NADSYN1: variants seen among roughly 807,000 people sequenced by gnomAD.
NADSYN1 encodes the protein glutamine-dependent NAD(+) synthetase.
NADSYN1 carries 80 observed loss-of-function variants against 99.3 expected under a neutral mutation model. That is an observed-to-expected ratio of 0.81 (90% CI 0.67 to 0.97). NADSYN1 has a LOEUF of 0.97. Among genes scored for constraint, NADSYN1 ranks in the 50% least tolerant of loss-of-function variants. The probability of loss-of-function intolerance (pLI) is 0.00; values close to 1 mark genes in which losing one functional copy is unlikely to be tolerated. For synonymous variants in NADSYN1, 385 were observed against 372.1 expected, an observed-to-expected ratio of 1.03 and a Z score of -0.40; for missense variants, 859 against 948.5, an observed-to-expected ratio of 0.91 and a Z score of 1.24.
At chr11:71,494,554 TTTTG>T (rs773794404) in intron 18 of NADSYN1, among the ~76,000 whole-genome samples, 12,655 of 152,076 alleles carry the variant, frequency 0.083, 628 homozygotes, top group African/African-American at 0.14. Flanking sequence ...TTTTGTTTTG[TTTTG>T]TTTCTGAGAT....
In NADSYN1 at chr11:71,485,636, A is replaced by C; in HGVS notation, c.1550A>C (p.Asn517Thr). Reference protein sequence around the residue: ...HGGLLVLGSANVDESLLGYLT... With the variant: ...HGGLLVLGSATVDESLLGYLT... ...GGGCTCCTCGTGCTGGGATCCGCCA[A>C]CGTGGATGAGAGGTGAGTGTGGCCC... is the stretch of plus-strand genomic sequence containing the variant. Residue 517 changes from asparagine to threonine, a missense_variant, in exon 16 of 21, where the codon AAC (asparagine) becomes ACC (threonine). Asn to Thr is a moderately conservative substitution (Grantham distance 65). Coordinates refer to ENST00000319023, the MANE Select transcript of NADSYN1 (RefSeq NM_018161.5). 6.4e-7 allele frequency: 1 copy of C among 1,554,106 alleles called. No homozygotes were observed. The highest frequency in any genetic ancestry group is 2.4e-5 in the East Asian group (1 of 41,546).
chr11:71,484,052 G>T (rs1036470022), intron 14 of NADSYN1, among the ~76,000 whole-genome samples: 2 of 152,224 alleles, frequency 1.3e-5, no homozygotes, highest in Non-Finnish European at 2.9e-5. Context: ...ATCTGTCACT[G>T]TCAGAGCTGT....
chr11:71,486,514 T>A (rs1477478054), intron 16 of NADSYN1, among the ~76,000 whole-genome samples: 2 of 152,040 alleles, frequency 1.3e-5, no homozygotes, highest in South Asian at 4.2e-4. Flanking sequence ...CATCTGTCTA[T>A]GCATTCATCC....
chr11:71,459,357 GCTCACGC>G, intron 3 of NADSYN1, among the ~76,000 whole-genome samples: 3 of 150,956 alleles, frequency 2.0e-5, no homozygotes, highest in African/African-American at 7.3e-5. Flanking sequence ...GGAGGCCTCT[GCTCACGC>G]TGTGCTGGTG....
chr11:71,455,198 T>C lies in NADSYN1; in HGVS notation c.146+28T>C, dbSNP rs1591119482. 1.9e-6 allele frequency: 3 copies of C among 1,595,818 alleles called. No individual in the cohort carries two copies. In the East Asian group the frequency reaches 6.7e-5, roughly 36 times the overall value. ...GAGAACAGACACAGACACCCTGGGG[T>C]CGTCAGCTAGCGATACCAGCATCAG... On this transcript the variant is annotated intron_variant, in intron 2 of 20. Transcript: ENST00000319023.
At chr11:71,453,585 G>A (rs1949494645) in intron 1 of NADSYN1, among the ~76,000 whole-genome samples, 1 of 152,354 alleles carries the variant, frequency 6.6e-6, no homozygotes, top group East Asian at 1.9e-4. Flanking sequence ...TAGTTCCCGG[G>A]GACGAGCGAT....
Position 71,478,783 on chromosome 11 carries a change from G to A in NADSYN1, c.873+314G>A, listed in dbSNP as rs560931593. The A allele has an allele frequency of 1.2e-5, 4 of 322,252 alleles. No individual in the cohort carries two copies. In the South Asian group the frequency reaches 1.4e-4, roughly 11 times the overall value. The allele number at this position is 322,252 out of a possible 1,614,324, so 20.0% of individuals were successfully genotyped here. A position where few individuals can be genotyped will look rare whatever the true frequency, so the allele number is the denominator to read the frequency against. On this transcript the variant is annotated intron_variant, in intron 10 of 20. Transcript: ENST00000319023. ...AGACCCAAGCAGCCTTGGAGCCCAGGAAGGCCTCAAGGTGAGGGGTGGCAA... is the reference window on the plus strand; with the variant it reads ...AGACCCAAGCAGCCTTGGAGCCCAGAAAGGCCTCAAGGTGAGGGGTGGCAA...
Position 71,493,470 on chromosome 11 carries a change from C to T in NADSYN1, c.1764+1567C>T, listed in dbSNP as rs559282710. 7.9e-5 allele frequency among the ~76,000 whole-genome samples: 12 copies of T among 152,240 alleles called. No homozygotes were observed. In the South Asian group the frequency reaches 2.5e-3, roughly 32 times the overall value. ...ATTCCGATTTACAAGGACATGCCAT[C>T]GCAGCTGGAGAGAATTTCTGCCAGG... On this transcript the variant is annotated intron_variant, in intron 18 of 20. Transcript: ENST00000319023.
At chr11:71,466,948 G>C (rs371042744) in intron 5 of NADSYN1, among the ~76,000 whole-genome samples, 80 of 152,126 alleles carry the variant, frequency 5.3e-4, no homozygotes, top group African/African-American at 1.8e-3. Context: ...GAGTTTTATT[G>C]TTGATAACTT....
In NADSYN1 at chr11:71,492,595, A is replaced by G. The variant is rs1170035269; in HGVS notation, c.1764+692A>G. Among the ~76,000 whole-genome samples the G allele has an allele frequency of 3.3e-5, 5 of 152,078 alleles. No individual in the cohort carries two copies. The East Asian group carries it at 7.7e-4, about 23-fold the overall frequency. ...TGTAGGATTTATTTCTGGACACTCA[A>G]TTCTGTTCCATAGATCTTTTCTGTT... is the stretch of plus-strand genomic sequence containing the variant. On this transcript the variant is annotated intron_variant, in intron 18 of 20. Coordinates refer to ENST00000319023, the MANE Select transcript of NADSYN1 (RefSeq NM_018161.5).
rs868515752 is a variant in NADSYN1, at chr11:71,480,690, G to A, written c.874-65G>A. 188 of 1,609,858 alleles carry A rather than the reference G, an allele frequency of 1.2e-4. 2 individuals carry two copies. The Middle Eastern group carries it at 5.9e-3, about 51-fold the overall frequency. On this transcript the variant is annotated intron_variant, in intron 10 of 20. Coordinates refer to ENST00000319023, the MANE Select transcript of NADSYN1 (RefSeq NM_018161.5). ...CTGATGGAGTCCTGCTTGTCTGTCG[G>A]TCCTGGGGACCCAGAGGGTTTCCGT...
At chr11:71,498,109 G>A (rs1949832158) in intron 19 of NADSYN1, among the ~76,000 whole-genome samples, 1 of 152,086 alleles carries the variant, frequency 6.6e-6, no homozygotes, top group East Asian at 1.9e-4. Flanking sequence ...GGGGACCCCA[G>A]TTTCATAGCA....
At chr11:71,485,694 C>T (rs1041383202) in intron 16 of NADSYN1, 46 bp downstream of exon 16, 1 of 1,408,466 alleles carries the variant, frequency 7.1e-7, no homozygotes, top group South Asian at 1.3e-5. Flanking sequence ...CTGAACCTCT[C>T]AGGTCTCTGA....
intron 18 of NADSYN1, among the ~76,000 whole-genome samples, chr11:71,494,518 T>C (rs1175597723): frequency 6.8e-6 from 1 of 147,826 alleles, no homozygotes; most frequent in African/African-American, 2.5e-5. Flanking sequence ...CGCCTGTCTT[T>C]CTTGATGATC....
chr11:71,465,796 G>A (rs1423104016), intron 5 of NADSYN1, among the ~76,000 whole-genome samples: 3 of 152,094 alleles, frequency 2.0e-5, no homozygotes, highest in African/African-American at 7.2e-5. Context: ...TTTTTATATA[G>A]GAAAACTTGA....
At chr11:71,477,271 A>G in intron 9 of NADSYN1, 1 of 1,241,212 alleles carries the variant, frequency 8.1e-7, no homozygotes, top group Non-Finnish European at 1.0e-6. Context: ...CCACCTTCTC[A>G]TGGAACGATC....
chr11:71,498,833 T>C (rs188855349), intron 20 of NADSYN1: 2 of 222,084 alleles, frequency 9.0e-6, no homozygotes, highest in East Asian at 2.4e-4. Context: ...TATTTGTGTG[T>C]GGTAAGAGCA....
chr11:71,499,288 C>T (rs1360187188), intron 20 of NADSYN1: 1 of 152,218 alleles, frequency 6.6e-6, no homozygotes, highest in African/African-American at 2.4e-5. Flanking sequence ...AGTTCATTTC[C>T]TGTCAGTTAT....
At chr11:71,472,967 C>A (rs113499281) in intron 6 of NADSYN1, among the ~76,000 whole-genome samples, 5 of 152,354 alleles carry the variant, frequency 3.3e-5, no homozygotes, top group East Asian at 1.9e-4. Context: ...TCAGTGTGAT[C>A]ACAGGACAGG....
Sources: gnomAD v4.1 joint callset for allele counts (sites outside exome capture counted in the v4.1 genomes callset) on GRCh38, gnomAD v4.1.1 for gene constraint, MANE v1.5 for transcripts, NCBI Gene and HGNC (gene_info 2026-07-23, HGNC 2026-07-21) for gene names.